HSPA4: variants seen among roughly 807,000 people sequenced by gnomAD.
HSPA4 encodes the protein heat shock 70 kDa protein 4.
HSPA4 carries 25 observed loss-of-function variants against 106.2 expected under a neutral mutation model. The ratio of observed to expected loss-of-function variants is 0.24; its 90% confidence interval spans 0.17 to 0.33. The LOEUF is 0.33. Ranked by LOEUF, HSPA4 falls within the 10% of genes least tolerant of loss-of-function variation. The probability of loss-of-function intolerance (pLI) is 1.00; values close to 1 mark genes in which losing one functional copy is unlikely to be tolerated. For missense variants in HSPA4, 841 were observed against 996.0 expected (o/e 0.84, Z 2.10); for synonymous variants, 332 against 333.6 (o/e 1.00, Z 0.05).
intron 16 of HSPA4, 140 bp downstream of exon 16, chr5:133,099,792 G>C (rs1159408032): frequency 2.2e-6 from 1 of 452,886 alleles, no homozygotes; most frequent in East Asian, 3.1e-5. Context: ...TTATGACTTA[G>C]GCTCATTATC....
At chr5:133,083,405 G>A (rs1180351726) in intron 7 of HSPA4, among the ~76,000 whole-genome samples, 2 of 152,168 alleles carry the variant, frequency 1.3e-5, no homozygotes, top group African/African-American at 4.8e-5. Flanking sequence ...TTTCAGACAT[G>A]CAACAAAGTT....
chr5:133,061,282 C>T (rs1289145145), intron 1 of HSPA4, among the ~76,000 whole-genome samples: 2 of 151,982 alleles, frequency 1.3e-5, no homozygotes, highest in Non-Finnish European at 2.9e-5. Flanking sequence ...GCCACCATGC[C>T]TGGCTAATTT....
chr5:133,071,752 G>C (rs562804341), intron 4 of HSPA4, among the ~76,000 whole-genome samples: 2 of 152,294 alleles, frequency 1.3e-5, no homozygotes, highest in Non-Finnish European at 2.9e-5. Flanking sequence ...CTTGGTCCTT[G>C]GTTATTGTAA....
rs570326926 is a variant in HSPA4 at position 133,070,610 on chromosome 5, A to G, written c.429+114A>G. On this transcript the variant is annotated intron_variant, in intron 4 of 18. Transcript: ENST00000304858. ...TCTCAGGTTGTAATGGTTATTTAAAATGTTTGTCAGGCCGGGTGCAGTGGC... is the reference window on the plus strand; with the variant it reads ...TCTCAGGTTGTAATGGTTATTTAAAGTGTTTGTCAGGCCGGGTGCAGTGGC... 16 of 1,318,884 alleles carry G rather than the reference A, an allele frequency of 1.2e-5. No homozygotes were observed. In the African/African-American group the frequency reaches 1.3e-4, roughly 11 times the overall value. 81.7% of individuals were successfully genotyped at this position (1,318,884 alleles called of 1,614,324 possible).
intron 7 of HSPA4, among the ~76,000 whole-genome samples, chr5:133,077,640 C>G (rs1047735916): frequency 7.1e-6 from 1 of 140,382 alleles, no homozygotes; most frequent in Non-Finnish European, 1.6e-5. Context: ...GGGTTATCCT[C>G]AGAAACTACC....
Position 133,099,135 on chromosome 5 carries a change from T to C in HSPA4, c.1930-410T>C, listed in dbSNP as rs189788884. Among the ~76,000 whole-genome samples the C allele has an allele frequency of 9.2e-5, 14 of 151,828 alleles. No homozygotes were observed. In the East Asian group the frequency reaches 2.1e-3, roughly 23 times the overall value. ...ATCTCCTTACTCCCCCTGTATCTTA[T>C]CTTATTTTTTTTGAAATGGAGCCTT... On this transcript the variant is annotated intron_variant, in intron 15 of 18. Coordinates refer to ENST00000304858, the MANE Select transcript of HSPA4 (RefSeq NM_002154.4).
At chr5:133,087,875 C>T (rs180827802) in intron 8 of HSPA4, among the ~76,000 whole-genome samples, 7 of 152,292 alleles carry the variant, frequency 4.6e-5, no homozygotes, top group African/African-American at 7.2e-5. Flanking sequence ...CCGCCCACTT[C>T]GGCCTCCTAA....
In HSPA4 at chr5:133,104,299, G is replaced by A; in HGVS notation, c.2386G>A (p.Glu796Lys). Reference sequence around the variant, plus strand: ...ACCCAAAGTGGAACCTCCAAAAGAGGAACAAAAAAATGCAGAGCAGAATGG... The same window carrying A: ...ACCCAAAGTGGAACCTCCAAAAGAGAAACAAAAAAATGCAGAGCAGAATGG... ...PKPKVEPPKEEQKNAEQNGPV... is the reference protein window; with the variant it reads ...PKPKVEPPKEKQKNAEQNGPV... The change falls in exon 19 of 19, where the codon GAA becomes AAA. Residue 796 changes from glutamate (E) to lysine (K), a missense_variant. By Grantham distance (56) the Glu-to-Lys change is moderately conservative (BLOSUM62 1). This residue lies in a region of HSPA4 where 328 missense variants were observed against 372.2 expected (regional missense o/e 0.88). Transcript: ENST00000304858. 6.2e-7 allele frequency: 1 copy of A among 1,613,972 alleles called. No homozygotes were observed. The highest frequency in any genetic ancestry group is 8.5e-7 in the Non-Finnish European group (1 of 1,179,974).
chr5:133,076,146 A>T (rs554342837), intron 6 of HSPA4: 1 of 154,056 alleles, frequency 6.5e-6, no homozygotes, highest in Admixed American at 6.4e-5. Context: ...AACCCAGGCT[A>T]ATTAGACTTC....
At chr5:133,095,212 G>A (rs1462326616) in intron 13 of HSPA4, among the ~76,000 whole-genome samples, 1 of 152,160 alleles carries the variant, frequency 6.6e-6, no homozygotes, top group Non-Finnish European at 1.5e-5. Flanking sequence ...TGAGGCAGGA[G>A]AATCTCTTGA....
Position 133,067,315 on chromosome 5 carries a change from G to A in HSPA4, c.166-102G>A, listed in dbSNP as rs904720600. 3 of 988,872 alleles carry A rather than the reference G, an allele frequency of 3.0e-6. No individual in the cohort carries two copies. In the African/African-American group the frequency reaches 4.9e-5, roughly 16 times the overall value. The allele number at this position is 988,872 out of a possible 1,614,324, so 61.3% of individuals were successfully genotyped here. ...CTGAAGAAACCAAAACCAAGAAGGAGACTCTATATAAAGTTAAAATGTTGC... is the reference window on the plus strand; with the variant it reads ...CTGAAGAAACCAAAACCAAGAAGGAAACTCTATATAAAGTTAAAATGTTGC... On this transcript the variant is annotated intron_variant, in intron 2 of 18. Coordinates refer to ENST00000304858, the MANE Select transcript of HSPA4 (RefSeq NM_002154.4).
chr5:133,083,696 C>T (rs935465583), intron 7 of HSPA4, among the ~76,000 whole-genome samples: 1 of 152,048 alleles, frequency 6.6e-6, no homozygotes, highest in Non-Finnish European at 1.5e-5. Flanking sequence ...CACCACCACA[C>T]CCAGCTAATT....
chr5:133,060,836 T>TTC (rs1554088161), intron 1 of HSPA4, among the ~76,000 whole-genome samples: 3 of 149,978 alleles, frequency 2.0e-5, no homozygotes, highest in Admixed American at 6.6e-5. Context: ...TTTTTTTTTT[T>TTC]TGAGACAAGG....
chr5:133,103,366 T>G (rs557702606), intron 17 of HSPA4, among the ~76,000 whole-genome samples: 86 of 149,986 alleles, frequency 5.7e-4, no homozygotes, highest in Middle Eastern at 3.4e-3. Flanking sequence ...CCGAAAGGCC[T>G]TCTTCTTCTT....
intron 1 of HSPA4, chr5:133,052,955 T>C (rs1385170028): frequency 6.6e-6 from 1 of 152,330 alleles, no homozygotes; most frequent in Admixed American, 6.5e-5. Flanking sequence ...TTTAATAAAA[T>C]CGGTGCTCTT....
chr5:133,064,671 A>T (rs1449797803), intron 1 of HSPA4, among the ~76,000 whole-genome samples: 1 of 148,288 alleles, frequency 6.7e-6, no homozygotes, highest in Non-Finnish European at 1.5e-5. Flanking sequence ...ACATTATTTT[A>T]TACTGGGATT....
At chr5:133,089,750 AC>A in intron 11 of HSPA4, 55 bp downstream of exon 11, 13 of 1,352,498 alleles carry the variant, frequency 9.6e-6, no homozygotes, top group Non-Finnish European at 1.3e-5. Context: ...ACAGTGGCTC[AC>A]AACTGTAATC....
chr5:133,081,615 T>C (rs1482899900), intron 7 of HSPA4, among the ~76,000 whole-genome samples: 1 of 152,172 alleles, frequency 6.6e-6, no homozygotes, highest in Non-Finnish European at 1.5e-5. Flanking sequence ...CTGAGTTAGG[T>C]TATTCTGGAG....
chr5:133,076,600 C>T (rs1765448559), intron 6 of HSPA4, 54 bp from the exon 7 acceptor site: 1 of 1,507,438 alleles, frequency 6.6e-7, no homozygotes, highest in Non-Finnish European at 9.1e-7. Flanking sequence ...TATATATCAT[C>T]TGTTTCAAAA....
Sources: gnomAD v4.1 joint callset for allele counts (sites outside exome capture counted in the v4.1 genomes callset) on GRCh38, gnomAD v4.1.1 for gene constraint, gnomAD v4.1.1 regional missense constraint, MANE v1.5 for transcripts, NCBI Gene and HGNC (gene_info 2026-07-23, HGNC 2026-07-21) for gene names.